The following DHRS7C variants were observed in gnomAD, a reference collection of about 807,000 sequenced individuals.
DHRS7C encodes the protein dehydrogenase/reductase 7C, also known as dehydrogenase/reductase SDR family member 7C.
Under a neutral mutation model 29.6 loss-of-function variants are expected in DHRS7C, and 28 were observed. The observed-to-expected ratio is 0.95, with a 90% CI of 0.70 to 1.30. The LOEUF is 1.30. Among genes scored for constraint, DHRS7C ranks in the 50% most tolerant of loss-of-function variants. The probability of loss-of-function intolerance (pLI) is 0.00; values close to 1 mark genes in which losing one functional copy is unlikely to be tolerated. For synonymous variants in DHRS7C, 158 were observed against 160.2 expected, an observed-to-expected ratio of 0.99 and a Z score of 0.10; for missense variants, 403 against 393.3, an observed-to-expected ratio of 1.02 and a Z score of -0.21.
intron 4 of DHRS7C, among the ~76,000 whole-genome samples, chr17:9,773,986 G>A (rs2066347022): frequency 6.6e-6 from 1 of 152,112 alleles, no homozygotes; most frequent in South Asian, 2.1e-4. Context: ...GCCTCCCAAA[G>A]TGCTGGGATT....
chr17:9,778,535 C>T (rs529850892), intron 3 of DHRS7C, among the ~76,000 whole-genome samples: 9 of 152,272 alleles, frequency 5.9e-5, no homozygotes, highest in African/African-American at 2.2e-4. Flanking sequence ...TTTTCCACTC[C>T]ACTTTCTTGG....
intron 4 of DHRS7C, among the ~76,000 whole-genome samples, chr17:9,773,166 A>C (rs1473184306): frequency 1.3e-5 from 2 of 152,148 alleles, no homozygotes; most frequent in Non-Finnish European, 2.9e-5. Context: ...TGGGCAAATC[A>C]CTTTGCCTCT....
chr17:9,779,950 C>T lies in DHRS7C; in HGVS notation c.353G>A (p.Gly118Asp), dbSNP rs1425448180. Residue 118 changes from glycine (G) to aspartate (D), a missense_variant, in exon 3 of 6, where the codon GGC becomes GAC. By Grantham distance (94) the Gly-to-Asp change is moderately conservative. Coordinates refer to ENST00000571134, the MANE Select transcript of DHRS7C (RefSeq NM_001105571.3). Reference sequence around the variant, plus strand: ...ATTGTTGATGAGGATGTCCACACAGCCATAGCAATCCAGGACTTCTTTTGC... The same window carrying T: ...ATTGTTGATGAGGATGTCCACACAGTCATAGCAATCCAGGACTTCTTTTGC... ...DVAKEVLDCYGCVDILINNAS... is the reference protein window; with the variant it reads ...DVAKEVLDCYDCVDILINNAS... 3 of 1,613,804 alleles carry T rather than the reference C, an allele frequency of 1.9e-6. No homozygotes were observed. Among genetic ancestry groups the T allele is most frequent in the Admixed American group, 3.3e-5 (2 of 59,994 alleles).
intron 1 of DHRS7C, among the ~76,000 whole-genome samples, chr17:9,788,786 A>C (rs2066438599): frequency 6.6e-6 from 1 of 152,224 alleles, no homozygotes; most frequent in Admixed American, 6.5e-5. Flanking sequence ...GGAGCCTGGA[A>C]TCACTGCCGT....
At chr17:9,786,242 G>A (rs1328291468) in intron 1 of DHRS7C, among the ~76,000 whole-genome samples, 1 of 151,636 alleles carries the variant, frequency 6.6e-6, no homozygotes, top group African/African-American at 2.4e-5. Context: ...CAGGGGAATC[G>A]CTTGAACCCG....
intron 4 of DHRS7C, among the ~76,000 whole-genome samples, chr17:9,773,806 G>A (rs1181170487): frequency 7.1e-6 from 1 of 141,830 alleles, no homozygotes; most frequent in Non-Finnish European, 1.5e-5. Flanking sequence ...CTCACTGCAA[G>A]CTCCACCTCC....
Position 9,779,942 on chromosome 17 carries a change from CCA to C in DHRS7C, c.359_360del (p.Val120GlyfsTer17). 6.2e-7 allele frequency: 1 copy of C among 1,613,912 alleles called. No homozygotes were observed. The highest frequency in any genetic ancestry group is 1.1e-5 in the South Asian group (1 of 91,048). On this transcript the variant is annotated frameshift_variant, in exon 3 of 6. Coordinates refer to ENST00000571134, the MANE Select transcript of DHRS7C (RefSeq NM_001105571.3). LOFTEE classifies it high-confidence loss of function. ...AKEVLDCYGC[V>X]DILINNASVK... ...ACACTGGCATTGTTGATGAGGATGT[CCA>C]CACAGCCATAGCAATCCAGGACTTC...
At chr17:9,777,159 C>A (rs1257424866) in intron 4 of DHRS7C, 34 bp downstream of exon 4, 2 of 1,568,542 alleles carry the variant, frequency 1.3e-6, no homozygotes, top group African/African-American at 2.7e-5. Flanking sequence ...AGACATACAA[C>A]AGAAGATATC....
intron 3 of DHRS7C, among the ~76,000 whole-genome samples, chr17:9,778,925 T>G (rs2066378012): frequency 6.6e-6 from 1 of 151,932 alleles, no homozygotes; most frequent in South Asian, 2.1e-4. Flanking sequence ...TTAACTTTTC[T>G]TTTTTTTAGA....
At chr17:9,788,668 G>A (rs531387649) in intron 1 of DHRS7C, among the ~76,000 whole-genome samples, 22 of 152,306 alleles carry the variant, frequency 1.4e-4, no homozygotes, top group Middle Eastern at 6.8e-3. Context: ...TGCTGCTCCC[G>A]ATGGCACCCA....
intron 1 of DHRS7C, among the ~76,000 whole-genome samples, chr17:9,784,883 A>G (rs984814727): frequency 6.6e-6 from 1 of 152,256 alleles, no homozygotes; most frequent in Non-Finnish European, 1.5e-5. Flanking sequence ...TGGTCTATTG[A>G]CATGGAACGA....
At chr17:9,781,701 G>A in intron 1 of DHRS7C, 107 bp from the exon 2 acceptor site, 3 of 1,047,340 alleles carry the variant, frequency 2.9e-6, no homozygotes, top group Non-Finnish European at 4.2e-6. Flanking sequence ...AGAAGTCTTA[G>A]CACCACGAGG....
chr17:9,781,872 A>G (rs571696350), intron 1 of DHRS7C, among the ~76,000 whole-genome samples: 1 of 152,282 alleles, frequency 6.6e-6, no homozygotes, highest in East Asian at 1.9e-4. Flanking sequence ...CTTACACTGA[A>G]CAGAAGGATG....
In DHRS7C at chr17:9,777,200, A is replaced by G; in HGVS notation, c.564T>C (p.Arg188=). The change falls in exon 4 of 6, where the codon CGT becomes CGC. Residue 188 remains arginine (R), a synonymous_variant. Coordinates refer to ENST00000571134, the MANE Select transcript of DHRS7C (RefSeq NM_001105571.3). The part of the protein sequence containing the change: ...NIQGKFGIPF[R]TTYAASKHAA... Reference sequence around the variant, plus strand: ...TTTATCTTAGCAACTTACAAGTCGTACGGAACGGGATTCCAAACTTCCCTT... The same window carrying G: ...TTTATCTTAGCAACTTACAAGTCGTGCGGAACGGGATTCCAAACTTCCCTT... The G allele has an allele frequency of 6.2e-7, 1 of 1,612,964 alleles. No homozygotes were observed.
intron 1 of DHRS7C, among the ~76,000 whole-genome samples, chr17:9,786,951 A>G (rs1025222142): frequency 3.4e-5 from 5 of 147,340 alleles, no homozygotes; most frequent in African/African-American, 7.4e-5. Flanking sequence ...ATGAGCATCT[A>G]TTTTTTTTTT....
chr17:9,783,997 GA>G (rs1212511451), intron 1 of DHRS7C, among the ~76,000 whole-genome samples: 3 of 149,892 alleles, frequency 2.0e-5, no homozygotes, highest in East Asian at 2.0e-4. Flanking sequence ...ATCTGGGAGG[GA>G]AAAAAAGCTG....
At chr17:9,783,878 C>T (rs913921066) in intron 1 of DHRS7C, among the ~76,000 whole-genome samples, 42 of 151,282 alleles carry the variant, frequency 2.8e-4, no homozygotes, top group African/African-American at 1.0e-3. Context: ...GAGATGGAGA[C>T]TGCAGTAAAT....
intron 1 of DHRS7C, among the ~76,000 whole-genome samples, chr17:9,786,160 T>G (rs953824388): frequency 4.0e-5 from 6 of 151,746 alleles, no homozygotes; most frequent in Middle Eastern, 3.2e-3. Context: ...CCGTTTCTAC[T>G]AAAAATACAA....
Position 9,775,033 on chromosome 17 carries a change from C to T in DHRS7C, c.572-2111G>A, listed in dbSNP as rs562273485. ...GTTTTGCAAATGTTCCCAGGAAACT[C>T]GTGCATTTGTCCTATACGGGTCAGT... On this transcript the variant is annotated intron_variant, in intron 4 of 5. Coordinates refer to ENST00000571134, the MANE Select transcript of DHRS7C (RefSeq NM_001105571.3). The surrounding 1 kb of genome is among the most constrained non-coding windows in gnomAD (Gnocchi z 4.2). 4.6e-5 allele frequency among the ~76,000 whole-genome samples: 7 copies of T among 152,308 alleles called. No individual in the cohort carries two copies. Among genetic ancestry groups the T allele is most frequent in the Middle Eastern group, 3.4e-3 (1 of 294 alleles).
Sources: gnomAD v4.1 joint callset for allele counts (sites outside exome capture counted in the v4.1 genomes callset) on GRCh38, gnomAD v4.1.1 for gene constraint, Gnocchi (gnomAD v3.1) non-coding constraint, MANE v1.5 for transcripts, NCBI Gene and HGNC (gene_info 2026-07-23, HGNC 2026-07-21) for gene names.